NKAIN2: variants seen among roughly 807,000 people sequenced by gnomAD.
NKAIN2 encodes the protein sodium/potassium-transporting ATPase subunit beta-1-interacting protein 2.
In NKAIN2, 14 loss-of-function variants were observed where a neutral mutation model predicts 32.6. The observed-to-expected ratio is 0.43, with a 90% CI of 0.28 to 0.67. The LOEUF (loss-of-function observed/expected upper bound fraction) is 0.67, where lower values mean the gene tolerates loss of function less well. NKAIN2 is among the 30% of genes least tolerant of loss of function. The probability of loss-of-function intolerance (pLI) is 0.17; values close to 1 mark genes in which losing one functional copy is unlikely to be tolerated. For synonymous variants in NKAIN2, 80 were observed against 87.2 expected (o/e 0.92, Z 0.46); for missense variants, 198 against 258.3 (o/e 0.77, Z 1.60).
intron 3 of NKAIN2, among the ~76,000 whole-genome samples, chr6:124,618,678 G>A (rs1026099104): frequency 3.3e-5 from 5 of 152,056 alleles, no homozygotes; most frequent in Non-Finnish European, 7.4e-5. Flanking sequence ...ATATGCTACA[G>A]TTCTAAAAGA....
At chr6:124,374,289 A>G (rs992079444) in intron 3 of NKAIN2, among the ~76,000 whole-genome samples, 32 of 152,092 alleles carry the variant, frequency 2.1e-4, no homozygotes, top group Non-Finnish European at 3.5e-4. Flanking sequence ...TTTAAGTGAA[A>G]AGGTATAAAG....
At chr6:124,523,325 G>A (rs1018483159) in intron 3 of NKAIN2, among the ~76,000 whole-genome samples, 1 of 151,582 alleles carries the variant, frequency 6.6e-6, no homozygotes, top group South Asian at 2.1e-4. Flanking sequence ...TCTGGTATAC[G>A]AGGATGTTTA....
chr6:123,929,788 AT>A (rs887254216), intron 1 of NKAIN2, among the ~76,000 whole-genome samples: 11 of 151,950 alleles, frequency 7.2e-5, no homozygotes, highest in African/African-American at 2.4e-4. Flanking sequence ...CAGATTTCAG[AT>A]TTTTTTAGGG....
At chr6:123,837,922 T>C (rs1251112573) in intron 1 of NKAIN2, among the ~76,000 whole-genome samples, 1 of 152,172 alleles carries the variant, frequency 6.6e-6, no homozygotes, top group Non-Finnish European at 1.5e-5. Flanking sequence ...GGAAGTTTTG[T>C]AGAGGGAACT....
intron 1 of NKAIN2, among the ~76,000 whole-genome samples, chr6:123,869,803 A>G (rs563318713): frequency 3.9e-5 from 6 of 152,324 alleles, no homozygotes; most frequent in African/African-American, 1.2e-4. Flanking sequence ...AAAAGTAAAT[A>G]CTTTAAAGGA....
intron 1 of NKAIN2, among the ~76,000 whole-genome samples, chr6:124,216,158 A>G (rs959022373): frequency 3.3e-5 from 5 of 151,758 alleles, no homozygotes; most frequent in South Asian, 2.1e-4. Context: ...CCACACACTC[A>G]GTCTAAATAG....
intron 3 of NKAIN2, among the ~76,000 whole-genome samples, chr6:124,588,801 AT>A (rs1476042105): frequency 1.3e-5 from 2 of 152,112 alleles, no homozygotes; most frequent in African/African-American, 4.8e-5. Context: ...CCATAGAGAG[AT>A]TGATCATTTA....
intron 2 of NKAIN2, among the ~76,000 whole-genome samples, chr6:124,344,887 G>C (rs1798326393): frequency 1.3e-5 from 2 of 152,152 alleles, no homozygotes; most frequent in South Asian, 4.1e-4. Flanking sequence ...GGAGTGGTGA[G>C]AGAGGACATC....
chr6:124,492,857 C>T (rs1777918092), intron 3 of NKAIN2, among the ~76,000 whole-genome samples: 1 of 151,946 alleles, frequency 6.6e-6, no homozygotes, highest in African/African-American at 2.4e-5. Flanking sequence ...AATTTTGCCA[C>T]TAGTGAACTT....
At chr6:124,175,649 T>G (rs1281091867) in intron 1 of NKAIN2, among the ~76,000 whole-genome samples, 1 of 152,216 alleles carries the variant, frequency 6.6e-6, no homozygotes, top group Admixed American at 6.5e-5. Context: ...AATGGGAAGT[T>G]ACTAATATAA....
chr6:123,990,222 G>A (rs1014059260), intron 1 of NKAIN2, among the ~76,000 whole-genome samples: 2 of 152,162 alleles, frequency 1.3e-5, no homozygotes, highest in African/African-American at 4.8e-5. Flanking sequence ...TCGACACGTG[G>A]GGATTATAAG....
chr6:124,164,099 T>G (rs1438337796), intron 1 of NKAIN2, among the ~76,000 whole-genome samples: 1 of 152,096 alleles, frequency 6.6e-6, no homozygotes, highest in Non-Finnish European at 1.5e-5. Flanking sequence ...TCTTATAAAC[T>G]AAATAAGTTT....
chr6:123,951,282 T>G (rs1777313432), intron 1 of NKAIN2, among the ~76,000 whole-genome samples: 1 of 152,056 alleles, frequency 6.6e-6, no homozygotes, highest in Non-Finnish European at 1.5e-5. Context: ...TCACTTGGTC[T>G]GATGTACAGT....
chr6:124,786,697 ATTATAC>A (rs1260628671), intron 4 of NKAIN2, among the ~76,000 whole-genome samples: 1 of 152,020 alleles, frequency 6.6e-6, no homozygotes, highest in Non-Finnish European at 1.5e-5. Flanking sequence ...TAAAAAAAAA[ATTATAC>A]TTAGCTCTGC....
chr6:124,225,580 A>G (rs1257040541), intron 1 of NKAIN2, among the ~76,000 whole-genome samples: 1 of 152,074 alleles, frequency 6.6e-6, no homozygotes, highest in Non-Finnish European at 1.5e-5. Flanking sequence ...AAATGTTATG[A>G]CATTGCAAAG....
chr6:124,599,191 A>C (rs1477746244), intron 3 of NKAIN2, among the ~76,000 whole-genome samples: 2 of 152,124 alleles, frequency 1.3e-5, no homozygotes. Flanking sequence ...AAGTCCTGGA[A>C]GTTTCATCTT....
intron 4 of NKAIN2, among the ~76,000 whole-genome samples, chr6:124,738,521 G>C (rs1452206550): frequency 6.6e-6 from 1 of 151,656 alleles, no homozygotes; most frequent in Non-Finnish European, 1.5e-5. Context: ...TTATTGCTAT[G>C]CTATTTAACA....
At chr6:124,736,184 A>C (rs1776930271) in intron 4 of NKAIN2, among the ~76,000 whole-genome samples, 1 of 151,974 alleles carries the variant, frequency 6.6e-6, no homozygotes, top group Non-Finnish European at 1.5e-5. Context: ...GTCAGGATAG[A>C]TCAAAACAGC....
intron 2 of NKAIN2, among the ~76,000 whole-genome samples, chr6:124,350,700 A>C (rs565152154): frequency 1.3e-5 from 2 of 152,342 alleles, no homozygotes; most frequent in African/African-American, 4.8e-5. Context: ...AAAATAGTGA[A>C]AGTAAATGCA....
Sources: gnomAD v4.1 joint callset for allele counts (sites outside exome capture counted in the v4.1 genomes callset) on GRCh38, gnomAD v4.1.1 for gene constraint, MANE v1.5 for transcripts, NCBI Gene and HGNC (gene_info 2026-07-23, HGNC 2026-07-21) for gene names.